The following MYOF variants were observed in gnomAD, a reference collection of about 807,000 sequenced individuals.
The protein encoded by MYOF is myoferlin.
In MYOF, 244 loss-of-function variants were observed where a neutral mutation model predicts 284.2. The observed-to-expected ratio is 0.86, with a 90% CI of 0.77 to 0.95. The LOEUF (loss-of-function observed/expected upper bound fraction) is 0.95, where lower values mean the gene tolerates loss of function less well. Ranked by LOEUF, MYOF falls within the 40% of genes least tolerant of loss-of-function variation. The pLI is 0.00. For missense variants in MYOF, 2,496 were observed against 2,560.6 expected (o/e 0.97, Z 0.54); for synonymous variants, 904 against 919.7 (o/e 0.98, Z 0.31).
At chr10:93,463,550 C>A (rs530680149) in intron 1 of MYOF, among the ~76,000 whole-genome samples, 2 of 151,834 alleles carry the variant, frequency 1.3e-5, no homozygotes, top group African/African-American at 4.8e-5. Flanking sequence ...CAGGTGCCCA[C>A]CACCATGCCC....
chr10:93,347,995 T>TGA (rs762588367), intron 36 of MYOF, among the ~76,000 whole-genome samples: 14 of 152,220 alleles, frequency 9.2e-5, no homozygotes, highest in Non-Finnish European at 1.2e-4. Flanking sequence ...ACTGCCACCA[T>TGA]GAACTACCTG....
intron 1 of MYOF, among the ~76,000 whole-genome samples, chr10:93,457,759 G>A (rs1222845093): frequency 1.3e-5 from 2 of 150,198 alleles, no homozygotes; most frequent in Non-Finnish European, 3.0e-5. Flanking sequence ...TTTGAGACAG[G>A]GTCTCGCGAG....
intron 39 of MYOF, among the ~76,000 whole-genome samples, chr10:93,339,895 T>C (rs371809508): frequency 2.6e-5 from 4 of 151,852 alleles, no homozygotes; most frequent in Non-Finnish European, 4.4e-5. Flanking sequence ...CTGGCTAACA[T>C]GGTGAAACCC....
intron 2 of MYOF, 49 bp downstream of exon 2, chr10:93,456,833 C>G (rs17481945): frequency 7.2e-7 from 1 of 1,385,592 alleles, no homozygotes; most frequent in East Asian, 2.3e-5. Flanking sequence ...ATAGGACAAT[C>G]AGAAATAGCT....
intron 49 of MYOF, among the ~76,000 whole-genome samples, chr10:93,317,679 G>A (rs1317108062): frequency 6.6e-6 from 1 of 152,054 alleles, no homozygotes; most frequent in Non-Finnish European, 1.5e-5. Flanking sequence ...GTTTGCTTGT[G>A]GTCACTTAAG....
At chr10:93,319,557 A>G (rs1589380719) in intron 49 of MYOF, among the ~76,000 whole-genome samples, 1 of 152,196 alleles carries the variant, frequency 6.6e-6, no homozygotes, top group East Asian at 1.9e-4. Context: ...CAGTCTCCCC[A>G]TCACATAAAG....
rs1316813276 is a variant in MYOF, at chr10:93,404,159, G to T, written c.790C>A (p.Arg264=). The part of the protein sequence containing the change: ...SELMDEIISI[R]VYNSHSLRAD... ...CCTTCCTACTTGCTGACCCTTACCCGGATGCTGATGATCTCATCCATCAAT... is the reference window on the plus strand; with the variant it reads ...CCTTCCTACTTGCTGACCCTTACCCTGATGCTGATGATCTCATCCATCAAT... The change falls in exon 8 of 54, where the codon CGG becomes AGG. Residue 264 remains arginine (R), a splice_region_variant and synonymous_variant. Transcript: ENST00000359263. 1.2e-6 allele frequency: 2 copies of T among 1,614,096 alleles called. No homozygotes were observed. The highest frequency in any genetic ancestry group is 8.5e-7 in the Non-Finnish European group (1 of 1,180,000).
At chr10:93,438,978 C>A (rs956052261) in intron 3 of MYOF, among the ~76,000 whole-genome samples, 3 of 152,166 alleles carry the variant, frequency 2.0e-5, no homozygotes, top group African/African-American at 7.2e-5. Flanking sequence ...AAGGTAGAAA[C>A]ACTGATCCTC....
intron 25 of MYOF, among the ~76,000 whole-genome samples, chr10:93,367,946 G>C (rs1845403378): frequency 6.6e-6 from 1 of 152,116 alleles, no homozygotes. Flanking sequence ...CAGAACAACA[G>C]AAATGAGTGG....
chr10:93,455,960 A>C (rs1334082113), intron 2 of MYOF, among the ~76,000 whole-genome samples: 1 of 152,200 alleles, frequency 6.6e-6, no homozygotes, highest in African/African-American at 2.4e-5. Flanking sequence ...GGAAGAATTA[A>C]ATTTTTTCAC....
At chr10:93,373,202 G>T in intron 23 of MYOF, 117 bp from the exon 24 acceptor site, 1 of 1,199,508 alleles carries the variant, frequency 8.3e-7, no homozygotes, top group Non-Finnish European at 1.2e-6. Context: ...AAACGCTGTG[G>T]TTAGGGCTCT....
At chr10:93,396,252 A>T (rs1474344754) in intron 15 of MYOF, 28 bp from the exon 16 acceptor site, 11 of 1,503,160 alleles carry the variant, frequency 7.3e-6, no homozygotes, top group Non-Finnish European at 9.9e-6. Context: ...ATAAAAAAAT[A>T]AAAAATAAAA....
In MYOF at chr10:93,378,681, A is replaced by ATG. The variant is rs142030025; in HGVS notation, c.2001+1180_2001+1181dup. ...AGTATATGTGTATATGTGTGTGTGT[A>ATG]TGTGTGTGTGTGTATATATATATAT... On this transcript the variant is annotated intron_variant, in intron 21 of 53. Transcript: ENST00000359263. 4.1e-4 allele frequency among the ~76,000 whole-genome samples: 41 copies of ATG among 99,332 alleles called. 1 individual carries two copies. The highest frequency in any genetic ancestry group is 2.2e-3 in the South Asian group (5 of 2,266). The allele number at this position is 99,332 out of a possible 152,430, so 65.2% of individuals were successfully genotyped here. A position where few individuals can be genotyped will look rare whatever the true frequency, so the allele number is the denominator to read the frequency against.
intron 3 of MYOF, among the ~76,000 whole-genome samples, chr10:93,443,780 G>A (rs1240345480): frequency 6.6e-6 from 1 of 152,110 alleles, no homozygotes; most frequent in Non-Finnish European, 1.5e-5. Flanking sequence ...GTGTCAGGTG[G>A]GAGGGTAAAT....
intron 43 of MYOF, among the ~76,000 whole-genome samples, chr10:93,332,510 G>A (rs372564835): frequency 2.0e-5 from 3 of 151,770 alleles, no homozygotes; most frequent in African/African-American, 2.4e-5. Context: ...GTGAGCCATC[G>A]TGCCTGGCCC....
intron 1 of MYOF, among the ~76,000 whole-genome samples, chr10:93,471,303 G>A (rs934985686): frequency 1.1e-5 from 1 of 92,234 alleles, no homozygotes; most frequent in Admixed American, 1.1e-4. Flanking sequence ...CAGGGGGGAT[G>A]GGTTTTTTTT....
At chr10:93,410,615 C>T (rs1847862184) in intron 5 of MYOF, among the ~76,000 whole-genome samples, 1 of 152,168 alleles carries the variant, frequency 6.6e-6, no homozygotes, top group Admixed American at 6.5e-5. Context: ...ACTACCTCTC[C>T]TCTTTCTTTT....
rs578234218 is a variant in MYOF, at chr10:93,448,214, C to G, written c.236+3836G>C. On this transcript the variant is annotated intron_variant, in intron 3 of 53. Coordinates refer to ENST00000359263, the MANE Select transcript of MYOF (RefSeq NM_013451.4). ...ATATTCTTCCCCCCTACTCCCTAAC[C>G]CCCCAATGAACTGCATGGCTCAGTT... is the stretch of plus-strand genomic sequence containing the variant. Among the ~76,000 whole-genome samples the G allele has an allele frequency of 2.6e-5, 4 of 151,718 alleles. No individual in the cohort carries two copies. In the South Asian group the frequency reaches 6.3e-4, roughly 24 times the overall value.
intron 25 of MYOF, among the ~76,000 whole-genome samples, chr10:93,369,107 C>T (rs1461071646): frequency 1.3e-5 from 1 of 78,986 alleles, no homozygotes; most frequent in African/African-American, 6.9e-5. Flanking sequence ...AGTATTCAGA[C>T]AGCTTTTTTT....
Sources: gnomAD v4.1 joint callset for allele counts (sites outside exome capture counted in the v4.1 genomes callset) on GRCh38, gnomAD v4.1.1 for gene constraint, MANE v1.5 for transcripts, NCBI Gene and HGNC (gene_info 2026-07-23, HGNC 2026-07-21) for gene names.